The following CHD9 variants were observed in gnomAD, a reference collection of about 807,000 sequenced individuals.
CHD9 encodes the protein ATP-dependent chromatin remodeler CHD9.
CHD9 carries 77 observed loss-of-function variants against 316.1 expected under a neutral mutation model. The observed-to-expected ratio is 0.24, with a 90% CI of 0.20 to 0.29. The LOEUF (loss-of-function observed/expected upper bound fraction) is 0.29. CHD9 is among the 10% of genes least tolerant of loss of function. The probability of loss-of-function intolerance (pLI) is 1.00; values close to 1 mark genes in which losing one functional copy is unlikely to be tolerated. For missense variants in CHD9, 2,763 were observed against 3,438.1 expected, an observed-to-expected ratio of 0.80 and a Z score of 4.91; for synonymous variants, 1,129 against 1,158.3, an observed-to-expected ratio of 0.97 and a Z score of 0.51.
intron 1 of CHD9, among the ~76,000 whole-genome samples, chr16:53,067,772 A>T (rs2033655080): frequency 6.6e-6 from 1 of 152,130 alleles, no homozygotes; most frequent in South Asian, 2.1e-4. Context: ...AGGTTTCTCC[A>T]CGGTAAAGTT....
At chr16:53,290,057 TGA>T (rs1264936962) in intron 27 of CHD9, among the ~76,000 whole-genome samples, 2 of 152,118 alleles carry the variant, frequency 1.3e-5, no homozygotes, top group Non-Finnish European at 2.9e-5. Context: ...GTGGATCATT[TGA>T]GTTCAGGAGT....
At position 53,263,043 on chromosome 16, in the gene CHD9, C is replaced by T; in HGVS notation, c.4266C>T (p.Phe1422=). 1 of 1,612,912 alleles carries T rather than the reference C, an allele frequency of 6.2e-7. No homozygotes were observed. The highest frequency in any genetic ancestry group is 8.5e-7 in the Non-Finnish European group (1 of 1,179,244). The change falls in exon 20 of 39, where the codon TTC becomes TTT. Residue 1422 remains phenylalanine (F), a synonymous_variant. Transcript: ENST00000447540. ...ATATTTCTTTAGATGATCCCAACTT[C>T]TGGCAAAAATGGGCTAAAAAGGCAG... The part of the protein sequence containing the change: ...RTDISLDDPN[F]WQKWAKKAEI...
rs534117172 is a variant in CHD9 at position 53,240,100 on chromosome 16, A to C, written c.2877+1514A>C. The stretch of plus-strand genomic sequence containing the variant: ...TGGCTAATTATTTTATTTTTTGTGA[A>C]GATAGGGTCTCAATTTGTTGCCCAG... On this transcript the variant is annotated intron_variant, in intron 12 of 38. Transcript: ENST00000447540. Among the ~76,000 whole-genome samples the C allele has an allele frequency of 1.2e-4, 19 of 152,172 alleles. No individual in the cohort carries two copies. The South Asian group carries it at 3.7e-3, about 30-fold the overall frequency.
chr16:53,153,479 C>T (rs1171486897), intron 1 of CHD9, among the ~76,000 whole-genome samples: 1 of 152,120 alleles, frequency 6.6e-6, no homozygotes, highest in African/African-American at 2.4e-5. Context: ...CATTTTCCAA[C>T]TTAAATGTAA....
intron 17 of CHD9, among the ~76,000 whole-genome samples, chr16:53,253,216 A>G (rs974706977): frequency 7.1e-6 from 1 of 141,558 alleles, no homozygotes; most frequent in Non-Finnish European, 1.6e-5. Flanking sequence ...TGGTGTGTAT[A>G]TATGTGTGTG....
Position 53,285,971 on chromosome 16 carries a change from G to GT in CHD9, c.5072-254dup, listed in dbSNP as rs543561561. Among the ~76,000 whole-genome samples the GT allele has an allele frequency of 4.7e-4, 71 of 152,274 alleles. 2 individuals are homozygous for GT. In the South Asian group the frequency reaches 0.013, roughly 28 times the overall value. On this transcript the variant is annotated intron_variant, in intron 25 of 38. Transcript: ENST00000447540. ...ATGTGAGATATGTTTGTGTGTTTGT[G>GT]TGTGGGTATGATCAGTTTATCCTAT...
At position 53,326,623 on chromosome 16, in the gene CHD9, A is replaced by G. The variant is rs539884551; in HGVS notation, c.*1728A>G. The G allele has an allele frequency of 4.6e-5, 7 of 152,494 alleles. No homozygotes were observed. Among genetic ancestry groups the G allele is most frequent in the Admixed American group, 3.9e-4 (6 of 15,262 alleles). 9.4% of individuals were successfully genotyped at this position (152,494 alleles called of 1,614,324 possible). A position where few individuals can be genotyped will look rare whatever the true frequency, so the allele number is the denominator to read the frequency against. On this transcript the variant is annotated 3_prime_UTR_variant, in exon 39 of 39. Transcript: ENST00000447540. Reference sequence around the variant, plus strand: ...TAGTCCTTTATGCAATGTCTTAGCAATAGTCTCTATAATGCCCATCCAGGA... The same window carrying G: ...TAGTCCTTTATGCAATGTCTTAGCAGTAGTCTCTATAATGCCCATCCAGGA...
intron 13 of CHD9, 46 bp downstream of exon 13, chr16:53,243,062 G>C (rs749159531): frequency 2.2e-5 from 31 of 1,393,252 alleles, no homozygotes; most frequent in Non-Finnish European, 2.9e-5. Context: ...TTTATTAGAT[G>C]TATAGTGAAA....
At chr16:53,092,752 G>A (rs1348628993) in intron 1 of CHD9, among the ~76,000 whole-genome samples, 1 of 151,990 alleles carries the variant, frequency 6.6e-6, no homozygotes, top group Non-Finnish European at 1.5e-5. Flanking sequence ...TTTTCCAGAG[G>A]CACCTGCACC....
chr16:53,210,654 A>C (rs2046260091), intron 3 of CHD9, among the ~76,000 whole-genome samples: 1 of 152,086 alleles, frequency 6.6e-6, no homozygotes, highest in Non-Finnish European at 1.5e-5. Context: ...AAAGGGGTCA[A>C]TCTAACTTTT....
rs148964089 is a variant in CHD9, at chr16:53,216,135, A to G, written c.1784+6322A>G. Among the ~76,000 whole-genome samples the G allele has an allele frequency of 1.8e-3, 272 of 152,330 alleles. 3 individuals are homozygous for G. Among genetic ancestry groups the G allele is most frequent in the African/African-American group, 6.2e-3 (258 of 41,580 alleles). ...CTTTGGGGATATTTCTCCTTAGACT[A>G]GCAAACTATCAGTTTATTTGAAGCA... On this transcript the variant is annotated intron_variant, in intron 3 of 38. Coordinates refer to ENST00000447540, the MANE Select transcript of CHD9 (RefSeq NM_001308319.2).
At chr16:53,124,878 GGAGCTACAATTC>G (rs2038903397) in intron 1 of CHD9, among the ~76,000 whole-genome samples, 2 of 152,196 alleles carry the variant, frequency 1.3e-5, no homozygotes, top group Admixed American at 6.5e-5. Flanking sequence ...GGGAATTATG[GGAGCTACAATTC>G]GAGTTTTGGG....
At chr16:53,131,223 A>T (rs2039269631) in intron 1 of CHD9, 1 of 146,776 alleles carries the variant, frequency 6.8e-6, no homozygotes, top group Non-Finnish European at 1.5e-5. Context: ...GCCAGCCGCG[A>T]GTGTCAGTCT....
At chr16:53,260,335 C>T (rs1189886375) in intron 19 of CHD9, among the ~76,000 whole-genome samples, 3 of 152,084 alleles carry the variant, frequency 2.0e-5, no homozygotes, top group Non-Finnish European at 4.4e-5. Context: ...AAAACTCAGC[C>T]AGGCAAGCTG....
intron 1 of CHD9, among the ~76,000 whole-genome samples, chr16:53,107,569 GTTAC>G (rs1234023992): frequency 6.6e-6 from 1 of 151,604 alleles, no homozygotes; most frequent in African/African-American, 2.4e-5. Flanking sequence ...TGTAGTTCCA[GTTAC>G]TTGGGAAGCT....
At chr16:53,322,811 G>T (rs2057363285) in intron 38 of CHD9, among the ~76,000 whole-genome samples, 1 of 152,008 alleles carries the variant, frequency 6.6e-6, no homozygotes, top group Admixed American at 6.6e-5. Context: ...AGAAAGGGAG[G>T]TGGGGGGAAT....
At chr16:53,100,205 A>G (rs1165072374) in intron 1 of CHD9, among the ~76,000 whole-genome samples, 1 of 152,190 alleles carries the variant, frequency 6.6e-6, no homozygotes, top group East Asian at 1.9e-4. Flanking sequence ...TTCTCCTGCC[A>G]CAAGGACCGA....
At chr16:53,061,863 T>C (rs929773303) in intron 1 of CHD9, among the ~76,000 whole-genome samples, 5 of 152,204 alleles carry the variant, frequency 3.3e-5, no homozygotes, top group African/African-American at 1.2e-4. Context: ...CAACAAAGTG[T>C]TTCTGACTTT....
intron 1 of CHD9, among the ~76,000 whole-genome samples, chr16:53,076,434 G>C (rs1014253811): frequency 6.6e-6 from 1 of 152,050 alleles, no homozygotes; most frequent in Non-Finnish European, 1.5e-5. Flanking sequence ...AATTAGTCAG[G>C]CATGGTGGCA....
Sources: allele counts gnomAD v4.1 joint callset (sites outside exome capture counted in the v4.1 genomes callset), GRCh38; gene constraint gnomAD v4.1.1; transcripts MANE v1.5; gene names NCBI Gene and HGNC (gene_info 2026-07-23, HGNC 2026-07-21).